The following CACNB2 variants were observed in gnomAD, a reference collection of about 807,000 sequenced individuals.
The protein encoded by CACNB2 is calcium voltage-gated channel auxiliary subunit beta 2.
Under a neutral mutation model 73.3 loss-of-function variants are expected in CACNB2, and 42 were observed. The ratio of observed to expected loss-of-function variants is 0.57; its 90% CI spans 0.45 to 0.74. CACNB2 has a LOEUF of 0.74. CACNB2 is among the 30% of genes least tolerant of loss of function. The pLI, the probability that CACNB2 is intolerant of heterozygous loss-of-function variation, is 0.00. For missense variants in CACNB2, 940 were observed against 853.0 expected (o/e 1.10, Z -1.27); for synonymous variants, 348 against 310.3 (o/e 1.12, Z -1.28).
chr10:18,265,758 T>C (rs2037770309), intron 2 of CACNB2, among the ~76,000 whole-genome samples: 2 of 152,212 alleles, frequency 1.3e-5, no homozygotes, highest in South Asian at 2.1e-4. Context: ...AGAGTTAAGA[T>C]GAAATAATGT....
intron 7 of CACNB2, 47 bp downstream of exon 7, chr10:18,514,416 T>C (rs561607265): frequency 3.0e-5 from 48 of 1,613,836 alleles, no homozygotes; most frequent in Non-Finnish European, 3.6e-5. Context: ...TCAACTGCAC[T>C]GCGTCACATT....
chr10:18,152,741 A>AAAAAAAAAAAAAAT (rs2031701806), intron 2 of CACNB2, among the ~76,000 whole-genome samples: 1 of 102,848 alleles, frequency 9.7e-6, no homozygotes, highest in Non-Finnish European at 1.8e-5. Context: ...AACAAAAAAC[A>AAAAAAAAAAAAAAT]AAACACTAGC....
intron 2 of CACNB2, among the ~76,000 whole-genome samples, chr10:18,245,084 AT>A (rs11400611): frequency 2.5e-4 from 38 of 149,748 alleles, no homozygotes; most frequent in Middle Eastern, 3.4e-3. Context: ...ACAGCCTTGG[AT>A]TTTTTTTTTT....
intron 2 of CACNB2, among the ~76,000 whole-genome samples, chr10:18,305,340 C>T (rs748854559): frequency 1.6e-4 from 25 of 152,056 alleles, no homozygotes; most frequent in Non-Finnish European, 2.5e-4. Context: ...AACTGAAGGA[C>T]CCTGAAGCAG....
At chr10:18,510,804 G>C (rs1313194696) in intron 6 of CACNB2, among the ~76,000 whole-genome samples, 1 of 152,170 alleles carries the variant, frequency 6.6e-6, no homozygotes, top group Non-Finnish European at 1.5e-5. Flanking sequence ...AATAAAAGAT[G>C]AGAAAGATAA....
chr10:18,322,956 A>G (rs2040448541), intron 2 of CACNB2, among the ~76,000 whole-genome samples: 1 of 128,786 alleles, frequency 7.8e-6, no homozygotes, highest in South Asian at 2.5e-4. Flanking sequence ...TTATGGTGAT[A>G]TTCTTTTTTT....
Position 18,356,942 on chromosome 10 carries a change from C to CTTTTTTTTT in CACNB2, c.214-44970_214-44962dup, listed in dbSNP as rs71402158. Among the ~76,000 whole-genome samples, 115 of 101,110 alleles carry CTTTTTTTTT rather than the reference C, an allele frequency of 1.1e-3. 4 individuals carry two copies. Among genetic ancestry groups the CTTTTTTTTT allele is most frequent in the African/African-American group, 1.8e-3 (53 of 29,358 alleles). The allele number at this position is 101,110 out of a possible 152,430, so 66.3% of individuals were successfully genotyped here. ...ACTGTGCCTGGCCCAGACTCAATTTCTTTTTTTTTTTTTTTTTTTTGAGAC... is the reference window on the plus strand; with the variant it reads ...ACTGTGCCTGGCCCAGACTCAATTTCTTTTTTTTTTTTTTTTTTTTTTTTTTTTTGAGAC... On this transcript the variant is annotated intron_variant, in intron 2 of 13. Coordinates refer to ENST00000324631, the MANE Select transcript of CACNB2 (RefSeq NM_201596.3).
Position 18,536,126 on chromosome 10 carries a change from G to C in CACNB2, c.1232G>C (p.Arg411Pro). The change falls in exon 12 of 14, where the codon CGA becomes CCA. Residue 411 changes from arginine to proline, a missense_variant. Transcript: ENST00000324631. ...GTTTTACAAAGGTTAATAAAATCTC[G>C]AGGGAAATCTCAAGCTAAACACCTC... ...PKVLQRLIKS[R>P]GKSQAKHLNV... 1 of 1,610,346 alleles carries C rather than the reference G, an allele frequency of 6.2e-7. No homozygotes were observed. The highest frequency in any genetic ancestry group is 8.5e-7 in the Non-Finnish European group (1 of 1,177,148).
intron 2 of CACNB2, chr10:18,340,587 G>C (rs1329093490): frequency 1.3e-6 from 1 of 782,086 alleles, no homozygotes; most frequent in Non-Finnish European, 1.7e-6. Context: ...TACTAATGAA[G>C]TGTTACTGTA....
At chr10:18,156,590 C>T (rs2032059716) in intron 2 of CACNB2, among the ~76,000 whole-genome samples, 1 of 152,196 alleles carries the variant, frequency 6.6e-6, no homozygotes, top group Admixed American at 6.5e-5. Flanking sequence ...TTCCCATGAA[C>T]TGTGAAATAT....
intron 2 of CACNB2, among the ~76,000 whole-genome samples, chr10:18,216,908 G>GTGC (rs1554771685): frequency 4.6e-5 from 7 of 152,194 alleles, no homozygotes; most frequent in Non-Finnish European, 1.0e-4. Flanking sequence ...CAGAATGGAA[G>GTGC]TGCTATAAGT....
At chr10:18,382,335 T>C (rs2043053476) in intron 2 of CACNB2, among the ~76,000 whole-genome samples, 1 of 152,006 alleles carries the variant, frequency 6.6e-6, no homozygotes. Context: ...TTTCTTTGTA[T>C]TGAGTATTCT....
chr10:18,186,582 G>C (rs112447849), intron 2 of CACNB2, among the ~76,000 whole-genome samples: 1 of 152,266 alleles, frequency 6.6e-6, no homozygotes, highest in East Asian at 1.9e-4. Context: ...GGAAGGCAAA[G>C]GGGGAGAAGG....
rs77537106 is a variant in CACNB2, at chr10:18,500,736, G to A, written c.457-76G>A. 15,964 of 1,439,480 alleles carry A rather than the reference G, an allele frequency of 0.011. 122 individuals carry two copies. Among genetic ancestry groups the A allele is most frequent in the Middle Eastern group, 0.015 (87 of 5,684 alleles). 89.2% of individuals were successfully genotyped at this position (1,439,480 alleles called of 1,614,324 possible). A position where few individuals can be genotyped will look rare whatever the true frequency, so the allele number is the denominator to read the frequency against. ...TAATGGTCATTGCCATATTTCTCTCGACTGAAAATAGTGTGGAAGAACAAG... is the reference window on the plus strand; with the variant it reads ...TAATGGTCATTGCCATATTTCTCTCAACTGAAAATAGTGTGGAAGAACAAG... On this transcript the variant is annotated intron_variant, in intron 4 of 13. Transcript: ENST00000324631.
In CACNB2 at chr10:18,332,220, G is replaced by T. The variant is rs566819679; in HGVS notation, c.214-69704G>T. Among the ~76,000 whole-genome samples, 175 of 152,330 alleles carry T rather than the reference G, an allele frequency of 1.1e-3. 3 individuals are homozygous for T. The highest frequency in any genetic ancestry group is 2.1e-4 in the Non-Finnish European group (14 of 68,034). On this transcript the variant is annotated intron_variant, in intron 2 of 13. Transcript: ENST00000324631. ...AAGACCTCTTTGGCTGCTCTATGGA[G>T]ATTGGACAGCGTCCAAGAGATGAGC...
rs543806681 is a variant in CACNB2, at chr10:18,396,996, A to G, written c.214-4928A>G. 2.6e-4 allele frequency among the ~76,000 whole-genome samples: 39 copies of G among 152,300 alleles called. No homozygotes were observed. The South Asian group carries it at 8.1e-3, about 32-fold the overall frequency. On this transcript the variant is annotated intron_variant, in intron 2 of 13. Transcript: ENST00000324631. The stretch of plus-strand genomic sequence containing the variant: ...AAAGATTTCCTACAGAAAGAGAAGA[A>G]CACAATTTGGGATCCAAGATGCCGC...
At chr10:18,454,750 G>A (rs1286233342) in intron 3 of CACNB2, among the ~76,000 whole-genome samples, 1 of 152,196 alleles carries the variant, frequency 6.6e-6, no homozygotes, top group Non-Finnish European at 1.5e-5. Flanking sequence ...TTTCAAAAGT[G>A]TGATATCGAT....
chr10:18,164,338 A>C (rs1447210791), intron 2 of CACNB2, among the ~76,000 whole-genome samples: 1 of 152,168 alleles, frequency 6.6e-6, no homozygotes, highest in Non-Finnish European at 1.5e-5. Flanking sequence ...ATATAAGTTG[A>C]AAATCAGCCA....
intron 9 of CACNB2, 49 bp downstream of exon 9, chr10:18,519,017 C>T (rs1364141986): frequency 1.3e-6 from 2 of 1,514,628 alleles, no homozygotes; most frequent in Admixed American, 1.7e-5. Context: ...TTAAAGATGG[C>T]AAAACGCTGG....
Sources: allele counts gnomAD v4.1 joint callset (sites outside exome capture counted in the v4.1 genomes callset), GRCh38; gene constraint gnomAD v4.1.1; transcripts MANE v1.5; gene names NCBI Gene and HGNC (gene_info 2026-07-23, HGNC 2026-07-21).